The following CAMTA1 variants were observed in gnomAD, a reference collection of about 807,000 sequenced individuals.
CAMTA1 encodes calmodulin-binding transcription activator 1.
A neutral mutation model predicts 170.9 loss-of-function variants in CAMTA1; 27 were observed. The ratio of observed to expected loss-of-function variants is 0.16; its 90% CI spans 0.12 to 0.22. CAMTA1 has a LOEUF of 0.22. Among genes scored for constraint, CAMTA1 ranks in the 10% least tolerant of loss-of-function variants. CAMTA1 has a pLI of 1.00. For missense variants in CAMTA1, 1,619 were observed against 2,217.2 expected, an observed-to-expected ratio of 0.73 and a Z score of 5.42; for synonymous variants, 833 against 891.5, an observed-to-expected ratio of 0.93 and a Z score of 1.17.
intron 5 of CAMTA1, among the ~76,000 whole-genome samples, chr1:7,388,711 T>G (rs548531917): frequency 6.6e-6 from 1 of 152,184 alleles, no homozygotes; most frequent in Non-Finnish European, 1.5e-5. Flanking sequence ...AAGCCCCTGG[T>G]TCTGACTGCT....
At chr1:7,270,202 CACATATATATACATATAT>C (rs1669487918) in intron 5 of CAMTA1, among the ~76,000 whole-genome samples, 1 of 141,842 alleles carries the variant, frequency 7.1e-6, no homozygotes, top group Admixed American at 7.1e-5. Context: ...TATATATATA[CACATATATATACATATAT>C]ACATATATAT....
chr1:7,198,034 T>G (rs1655890744), intron 4 of CAMTA1, among the ~76,000 whole-genome samples: 1 of 152,142 alleles, frequency 6.6e-6, no homozygotes. Context: ...AGACATCTGT[T>G]CTGTTAGACA....
intron 3 of CAMTA1, among the ~76,000 whole-genome samples, chr1:6,860,658 T>G (rs1034205079): frequency 2.0e-5 from 3 of 152,090 alleles, no homozygotes; most frequent in Non-Finnish European, 4.4e-5. Flanking sequence ...ACCCGTAATC[T>G]CAGCACTTTG....
chr1:7,448,352 G>A (rs1222262090), intron 5 of CAMTA1, among the ~76,000 whole-genome samples: 1 of 152,212 alleles, frequency 6.6e-6, no homozygotes, highest in Non-Finnish European at 1.5e-5. Flanking sequence ...GGTCTGGAAT[G>A]TGTGCGAACC....
At chr1:7,368,116 G>A (rs185242906) in intron 5 of CAMTA1, among the ~76,000 whole-genome samples, 100 of 151,172 alleles carry the variant, frequency 6.6e-4, no homozygotes, top group Non-Finnish European at 1.0e-3. Flanking sequence ...GGCACTTATG[G>A]TTTCATTGGG....
intron 6 of CAMTA1, among the ~76,000 whole-genome samples, chr1:7,539,263 G>A (rs1033558388): frequency 6.6e-6 from 1 of 152,234 alleles, no homozygotes; most frequent in Non-Finnish European, 1.5e-5. Context: ...CAGCCTTGGG[G>A]GACAGGACGT....
intron 11 of CAMTA1, among the ~76,000 whole-genome samples, chr1:7,723,503 C>A (rs1252948921): frequency 1.3e-5 from 2 of 152,142 alleles, no homozygotes; most frequent in African/African-American, 4.8e-5. Flanking sequence ...GTAGATACTC[C>A]CCCGTCTGCG....
At chr1:7,075,009 G>A (rs2147959185) in intron 3 of CAMTA1, among the ~76,000 whole-genome samples, 1 of 152,290 alleles carries the variant, frequency 6.6e-6, no homozygotes, top group South Asian at 2.1e-4. Flanking sequence ...AACTTTTCAG[G>A]AAAAATATCC....
intron 6 of CAMTA1, among the ~76,000 whole-genome samples, chr1:7,564,318 G>A: frequency 6.6e-6 from 1 of 152,250 alleles, no homozygotes; most frequent in Admixed American, 6.5e-5. Context: ...CCCGGAGACG[G>A]CGTGCTGTCT....
At chr1:7,668,394 C>CACAA (rs199948399) in intron 9 of CAMTA1, among the ~76,000 whole-genome samples, 22,440 of 128,408 alleles carry the variant, frequency 0.17, 2,009 homozygotes, top group Middle Eastern at 0.28. Flanking sequence ...CACCAACACA[C>CACAA]ACACACACAC....
At chr1:7,498,364 G>C (rs1048858590) in intron 6 of CAMTA1, among the ~76,000 whole-genome samples, 1 of 137,694 alleles carries the variant, frequency 7.3e-6, no homozygotes, top group African/African-American at 2.9e-5. Flanking sequence ...AGTGAGTGTG[G>C]ATGTGTGTGT....
At position 7,113,084 on chromosome 1, in the gene CAMTA1, G is replaced by T. The variant is rs1463631519; in HGVS notation, c.302+21713G>T. ...GGCTCTCAGTTTACCCTCAGAAAGT[G>T]TGGCATCAGCACGAGAAGCAGCAAC... On this transcript the variant is annotated intron_variant, in intron 4 of 22. Coordinates refer to ENST00000303635, the MANE Select transcript of CAMTA1 (RefSeq NM_015215.4). The surrounding 1 kb of genome is among the most constrained non-coding windows in gnomAD (Gnocchi z 4.5). Among the ~76,000 whole-genome samples the T allele has an allele frequency of 6.6e-6, 1 of 152,240 alleles. No homozygotes were observed. Among genetic ancestry groups the T allele is most frequent in the Non-Finnish European group, 1.5e-5 (1 of 68,052 alleles).
intron 6 of CAMTA1, among the ~76,000 whole-genome samples, chr1:7,522,789 T>C (rs1212134471): frequency 6.6e-6 from 1 of 152,246 alleles, no homozygotes; most frequent in Non-Finnish European, 1.5e-5. Context: ...ATTTAATTGC[T>C]TTTGTGCCTT....
intron 4 of CAMTA1, among the ~76,000 whole-genome samples, chr1:7,210,797 T>G (rs1234371214): frequency 6.6e-6 from 1 of 152,250 alleles, no homozygotes; most frequent in Non-Finnish European, 1.5e-5. Context: ...CATGGATTTC[T>G]ATCTTAGTGA....
At chr1:6,945,759 G>A (rs1687466149) in intron 3 of CAMTA1, among the ~76,000 whole-genome samples, 1 of 152,092 alleles carries the variant, frequency 6.6e-6, no homozygotes, top group Non-Finnish European at 1.5e-5. Flanking sequence ...TGAGATGTAT[G>A]GTCTTTTGTG....
At chr1:7,537,612 C>T (rs1016781463) in intron 6 of CAMTA1, among the ~76,000 whole-genome samples, 5 of 152,210 alleles carry the variant, frequency 3.3e-5, no homozygotes, top group African/African-American at 9.6e-5. Flanking sequence ...TGAAGGGCAT[C>T]GGGATACAGG....
intron 4 of CAMTA1, among the ~76,000 whole-genome samples, chr1:7,184,780 G>A (rs1169708039): frequency 1.3e-5 from 2 of 152,092 alleles, no homozygotes; most frequent in African/African-American, 4.8e-5. Flanking sequence ...GGCTAGAGAC[G>A]AAGCCTAATG....
At chr1:7,179,216 T>C (rs1651585518) in intron 4 of CAMTA1, among the ~76,000 whole-genome samples, 1 of 152,226 alleles carries the variant, frequency 6.6e-6, no homozygotes, top group Non-Finnish European at 1.5e-5. Context: ...AAAAGAGTTA[T>C]ATATCAGTCA....
chr1:7,615,116 G>A (rs994346118), intron 6 of CAMTA1, among the ~76,000 whole-genome samples: 1 of 152,310 alleles, frequency 6.6e-6, no homozygotes, highest in African/African-American at 2.4e-5. Context: ...AATGTTGCAC[G>A]AATGCCCTGG....
Sources: gnomAD v4.1 joint callset for allele counts (sites outside exome capture counted in the v4.1 genomes callset) on GRCh38, gnomAD v4.1.1 for gene constraint, Gnocchi (gnomAD v3.1) non-coding constraint, MANE v1.5 for transcripts, NCBI Gene and HGNC (gene_info 2026-07-23, HGNC 2026-07-21) for gene names.